The following LMNA variants were observed in gnomAD, a reference collection of about 807,000 sequenced individuals.
LMNA encodes lamin.
In LMNA, 20 loss-of-function variants were observed where a neutral mutation model predicts 70.4. The observed-to-expected ratio is 0.28, with a 90% CI of 0.20 to 0.41. The LOEUF (loss-of-function observed/expected upper bound fraction) is 0.41. Among genes scored for constraint, LMNA ranks in the 10% least tolerant of loss-of-function variants. LMNA has a pLI of 1.00. For missense variants in LMNA, 652 were observed against 917.2 expected (o/e 0.71, Z 3.73); for synonymous variants, 339 against 372.8 (o/e 0.91, Z 1.04).
At chr1:156,106,890 G>A (rs1326605778) in intron 3 of LMNA, 1 of 152,410 alleles carries the variant, frequency 6.6e-6, no homozygotes, top group Non-Finnish European at 1.5e-5. Flanking sequence ...GCCTGGTTGG[G>A]TGGGGGAGGT....
intron 1 of LMNA, among the ~76,000 whole-genome samples, chr1:156,117,351 C>T (rs546064960): frequency 1.3e-5 from 2 of 152,168 alleles, no homozygotes; most frequent in African/African-American, 2.4e-5. Context: ...GCTCCTGCCT[C>T]AGCCTCCCAA....
At chr1:156,130,529 A>T in intron 1 of LMNA, 88 bp from the exon 2 acceptor site, 1 of 1,401,306 alleles carries the variant, frequency 7.1e-7, no homozygotes, top group Non-Finnish European at 1.0e-6. Flanking sequence ...TAGCAGCGCC[A>T]GCCCCCATGG....
At chr1:156,093,391 C>G (rs1398734778) in intron 3 of LMNA, among the ~76,000 whole-genome samples, 1 of 148,592 alleles carries the variant, frequency 6.7e-6, no homozygotes, top group African/African-American at 2.5e-5. Context: ...ACTGCACCCT[C>G]TGCCTCCTGG....
chr1:156,137,700 A>C lies in LMNA; in HGVS notation c.1655A>C (p.Asp552Ala), dbSNP rs1651785654. 6.4e-7 allele frequency: 1 copy of C among 1,556,250 alleles called. No individual in the cohort carries two copies. The highest frequency in any genetic ancestry group is 8.7e-7 in the Non-Finnish European group (1 of 1,149,436). ...GTGCGCTCAGTGACTGTGGTTGAGG[A>C]CGACGAGGATGAGGATGGAGATGAC... ...KLVRSVTVVE[D>A]DEDEDGDDLL... Residue 552 changes from aspartate (D) to alanine (A), a missense_variant, in exon 10 of 12, where the codon GAC becomes GCC. This residue lies in a region of LMNA where 327 missense variants were observed against 387.6 expected (regional missense o/e 0.84). Coordinates refer to ENST00000368300, the MANE Select transcript of LMNA (RefSeq NM_170707.4). The surrounding 1 kb of genome is among the most constrained non-coding windows in gnomAD (Gnocchi z 4.6).
At chr1:156,106,315 G>A (rs1649341812) in intron 3 of LMNA, among the ~76,000 whole-genome samples, 1 of 152,222 alleles carries the variant, frequency 6.6e-6, no homozygotes, top group African/African-American at 2.4e-5. Context: ...TGAGCTATGG[G>A]GCGAGGGGGC....
At chr1:156,130,538 G>T (rs1650957992) in intron 1 of LMNA, 79 bp from the exon 2 acceptor site, 8 of 1,498,140 alleles carry the variant, frequency 5.3e-6, no homozygotes, top group Non-Finnish European at 9.3e-7. Context: ...CAGCCCCCAT[G>T]GCTGACCTCC....
chr1:156,138,592 C>T lies in LMNA; in HGVS notation c.1803C>T (p.Ser601=), dbSNP rs267607604. ...CGQPADKASA[S]GSGAQVGGPI... Reference sequence around the variant, plus strand: ...AGCCTGCCGACAAGGCATCTGCCAGCGGCTCAGGAGCCCAGGTGGGCGGAC... The same window carrying T: ...AGCCTGCCGACAAGGCATCTGCCAGTGGCTCAGGAGCCCAGGTGGGCGGAC... The change falls in exon 11 of 12, where the codon AGC becomes AGT. Residue 601 remains serine (S), a synonymous_variant. Transcript: ENST00000368300. The surrounding 1 kb of genome is among the most constrained non-coding windows in gnomAD (Gnocchi z 5.5). 119 of 1,612,734 alleles carry T rather than the reference C, an allele frequency of 7.4e-5. No individual in the cohort carries two copies. Among genetic ancestry groups the T allele is most frequent in the Non-Finnish European group, 8.7e-5 (103 of 1,179,844 alleles).
chr1:156,131,164 G>A (rs1289298410), intron 2 of LMNA, among the ~76,000 whole-genome samples: 8 of 152,136 alleles, frequency 5.3e-5, no homozygotes, highest in South Asian at 2.1e-4. Context: ...CCAACTACTC[G>A]GGAGGCTGAG....
chr1:156,137,587 G>GAA lies in LMNA; in HGVS notation c.1609-67_1609-66insAA. ...ACAAGAAAAGTTGCAGGTGGTCACTGGGGTAGACATGCTGTACAACCCTTC... is the reference window on the plus strand; with the variant it reads ...ACAAGAAAAGTTGCAGGTGGTCACTGAAGGGTAGACATGCTGTACAACCCTTC... On this transcript the variant is annotated intron_variant, in intron 9 of 11. Coordinates refer to ENST00000368300, the MANE Select transcript of LMNA (RefSeq NM_170707.4). The surrounding 1 kb of genome is among the most constrained non-coding windows in gnomAD (Gnocchi z 4.6). The GAA allele has an allele frequency of 7.1e-7, 1 of 1,401,162 alleles. No homozygotes were observed. Among genetic ancestry groups the GAA allele is most frequent in the Non-Finnish European group, 9.9e-7 (1 of 1,013,428 alleles). 86.8% of individuals were successfully genotyped at this position (1,401,162 alleles called of 1,614,324 possible). A position where few individuals can be genotyped will look rare whatever the true frequency, so the allele number is the denominator to read the frequency against.
rs1651770566 is a variant in LMNA, at chr1:156,137,593, G to C, written c.1609-61G>C. On this transcript the variant is annotated intron_variant, in intron 9 of 11. Coordinates refer to ENST00000368300, the MANE Select transcript of LMNA (RefSeq NM_170707.4). This position sits in a 1 kb window ranked among gnomAD's most constrained non-coding sequence, Gnocchi z 4.6. ...AAAGTTGCAGGTGGTCACTGGGGTA[G>C]ACATGCTGTACAACCCTTCCCTGGC... 6.9e-7 allele frequency: 1 copy of C among 1,450,630 alleles called. No homozygotes were observed. Among genetic ancestry groups the C allele is most frequent in the African/African-American group, 1.4e-5 (1 of 71,048 alleles). The allele number at this position is 1,450,630 out of a possible 1,614,324, so 89.9% of individuals were successfully genotyped here. A position where few individuals can be genotyped will look rare whatever the true frequency, so the allele number is the denominator to read the frequency against.
chr1:156,126,853 T>G, intron 1 of LMNA: 1 of 1,612,060 alleles, frequency 6.2e-7, no homozygotes, highest in Non-Finnish European at 8.5e-7. Context: ...GGGAAAGGAC[T>G]GGCACTCTGC....
At chr1:156,106,103 C>T (rs1445505810) in intron 3 of LMNA, among the ~76,000 whole-genome samples, 1 of 151,928 alleles carries the variant, frequency 6.6e-6, no homozygotes, top group African/African-American at 2.4e-5. Context: ...CCACTACACT[C>T]CAGCCTGGGA....
intron 3 of LMNA, among the ~76,000 whole-genome samples, chr1:156,095,025 G>T (rs1230114371): frequency 1.1e-4 from 16 of 151,754 alleles, no homozygotes; most frequent in Admixed American, 1.0e-3. Context: ...TGGTTCAAGT[G>T]ATTCTCCTGC....
chr1:156,092,964 C>T (rs941606806), intron 3 of LMNA, among the ~76,000 whole-genome samples: 2 of 150,708 alleles, frequency 1.3e-5, no homozygotes, highest in Non-Finnish European at 2.9e-5. Context: ...TCTCGGCTCA[C>T]TGCAACTTCC....
chr1:156,138,047 G>T lies in LMNA; in HGVS notation c.1698+304G>T. ...CTGGGAAAGGGAGGGGAGGACAGAC[G>T]TGGGGCATGCCCGCCCTGCCTCTCT... On this transcript the variant is annotated intron_variant, in intron 10 of 11. Transcript: ENST00000368300. The surrounding 1 kb of genome is among the most constrained non-coding windows in gnomAD (Gnocchi z 5.5). 1.8e-6 allele frequency: 1 copy of T among 569,490 alleles called. No homozygotes were observed. Among genetic ancestry groups the T allele is most frequent in the South Asian group, 2.0e-5 (1 of 48,944 alleles). The allele number at this position is 569,490 out of a possible 1,614,324, so 35.3% of individuals were successfully genotyped here. A position where few individuals can be genotyped will look rare whatever the true frequency, so the allele number is the denominator to read the frequency against.
chr1:156,104,035 G>A (rs1366219675), intron 3 of LMNA, among the ~76,000 whole-genome samples: 1 of 152,166 alleles, frequency 6.6e-6, no homozygotes, highest in Non-Finnish European at 1.5e-5. Context: ...ACTGAAGGAG[G>A]GATTGGGAAG....
In LMNA at chr1:156,139,593, G is replaced by C; in HGVS notation, c.*487G>C. ...GCCAGGCCAGCCTCCGAGAGGGAGA[G>C]AGAGAGAGAGAGGACAGCTTGAGCC... On this transcript the variant is annotated 3_prime_UTR_variant, in exon 12 of 12. Transcript: ENST00000368300. 7.1e-7 allele frequency: 1 copy of C among 1,407,062 alleles called. No homozygotes were observed. The allele number at this position is 1,407,062 out of a possible 1,614,324, so 87.2% of individuals were successfully genotyped here.
chr1:156,139,026 G>A, intron 11 of LMNA, 54 bp from the exon 12 acceptor site: 1 of 1,589,980 alleles, frequency 6.3e-7, no homozygotes, highest in Non-Finnish European at 8.6e-7. Context: ...GGGGAGGGAG[G>A]GTCTGGGTCC....
intron 3 of LMNA, among the ~76,000 whole-genome samples, chr1:156,095,508 C>CTT (rs59065867): frequency 0.019 from 2,752 of 144,374 alleles, 88 homozygotes; most frequent in African/African-American, 0.065. Flanking sequence ...CCAGCTAATG[C>CTT]TTTTTTTTTT....
Sources: allele counts gnomAD v4.1 joint callset (sites outside exome capture counted in the v4.1 genomes callset), GRCh38; gene constraint gnomAD v4.1.1; regional missense constraint gnomAD v4.1.1; non-coding constraint Gnocchi (gnomAD v3.1); transcripts MANE v1.5; gene names NCBI Gene and HGNC (gene_info 2026-07-23, HGNC 2026-07-21).